DGKH: variants seen among roughly 807,000 people sequenced by gnomAD.
DGKH encodes the protein DAG kinase eta.
DGKH carries 90 observed loss-of-function variants against 159.3 expected under a neutral mutation model. The ratio of observed to expected loss-of-function variants is 0.57; its 90% CI spans 0.48 to 0.67. The LOEUF (loss-of-function observed/expected upper bound fraction) is 0.67, where lower values mean the gene tolerates loss of function less well. Ranked by LOEUF, DGKH falls within the 30% of genes least tolerant of loss-of-function variation. DGKH has a pLI of 0.00. For synonymous variants in DGKH, 536 were observed against 553.8 expected (o/e 0.97, Z 0.45); for missense variants, 1,181 against 1,506.1 (o/e 0.78, Z 3.57).
intron 1 of DGKH, among the ~76,000 whole-genome samples, chr13:42,043,211 A>C (rs754004554): frequency 6.6e-6 from 1 of 152,190 alleles, no homozygotes; most frequent in South Asian, 2.1e-4. Context: ...GTGTGTATAT[A>C]TATATGTAAA....
chr13:42,154,487 C>T (rs1955990652), intron 3 of DGKH, among the ~76,000 whole-genome samples: 1 of 152,112 alleles, frequency 6.6e-6, no homozygotes, highest in Non-Finnish European at 1.5e-5. Flanking sequence ...TTTCATTCCA[C>T]TTGCTTTAAG....
At chr13:42,074,087 A>G (rs539955280) in intron 1 of DGKH, among the ~76,000 whole-genome samples, 2 of 152,348 alleles carry the variant, frequency 1.3e-5, no homozygotes, top group Admixed American at 1.3e-4. Flanking sequence ...ATTATGATCA[A>G]ATAAGTGTTT....
intron 7 of DGKH, among the ~76,000 whole-genome samples, chr13:42,162,401 T>C (rs1207310859): frequency 2.6e-5 from 4 of 152,180 alleles, no homozygotes. Flanking sequence ...TAATCCCAGC[T>C]ACTTGGGATG....
At chr13:42,186,879 C>A (rs1956942452) in intron 13 of DGKH, among the ~76,000 whole-genome samples, 170 bp from the exon 14 acceptor site, 1 of 152,150 alleles carries the variant, frequency 6.6e-6, no homozygotes, top group African/African-American at 2.4e-5. Context: ...CTTAGAATGT[C>A]TTGGACTTAT....
chr13:42,103,332 G>A (rs578010527), intron 1 of DGKH, among the ~76,000 whole-genome samples: 1 of 152,164 alleles, frequency 6.6e-6, no homozygotes, highest in African/African-American at 2.4e-5. Flanking sequence ...GGGATAGGGA[G>A]TAGTATAATA....
intron 11 of DGKH, among the ~76,000 whole-genome samples, chr13:42,169,860 T>G (rs138210466): frequency 6.6e-6 from 1 of 152,216 alleles, no homozygotes; most frequent in Non-Finnish European, 1.5e-5. Flanking sequence ...TATAATCTTA[T>G]GTGCTACTGG....
intron 4 of DGKH, 67 bp from the exon 5 acceptor site, chr13:42,155,600 C>T (rs765687085): frequency 1.2e-4 from 190 of 1,607,532 alleles, no homozygotes; most frequent in Non-Finnish European, 1.5e-4. Context: ...ATATGCATTC[C>T]AAACAGTTCA....
chr13:42,083,297 A>C (rs181614873), intron 1 of DGKH, among the ~76,000 whole-genome samples: 1 of 152,296 alleles, frequency 6.6e-6, no homozygotes, highest in Admixed American at 6.5e-5. Context: ...AAATGATGAG[A>C]AATCCAGAGG....
chr13:42,216,897 A>G (rs1957812409), intron 26 of DGKH, among the ~76,000 whole-genome samples: 1 of 152,186 alleles, frequency 6.6e-6, no homozygotes, highest in South Asian at 2.1e-4. Flanking sequence ...CATTTCTTAC[A>G]ACTAAAAGCA....
chr13:42,146,799 C>T (rs1434315151), intron 3 of DGKH, among the ~76,000 whole-genome samples: 2 of 152,126 alleles, frequency 1.3e-5, no homozygotes, highest in African/African-American at 2.4e-5. Flanking sequence ...TAAATAGTTG[C>T]CTTCAGTAAA....
At chr13:42,064,700 C>G (rs1336411309) in intron 1 of DGKH, among the ~76,000 whole-genome samples, 1 of 152,076 alleles carries the variant, frequency 6.6e-6, no homozygotes, top group Non-Finnish European at 1.5e-5. Flanking sequence ...CTAAAAGAAA[C>G]TGTATAATTT....
Position 42,048,908 on chromosome 13 carries a change from A to T in DGKH, c.135A>T (p.Gln45His), listed in dbSNP as rs779921510. The T allele has an allele frequency of 1.5e-6, 2 of 1,357,656 alleles. No individual in the cohort carries two copies. Among genetic ancestry groups the T allele is most frequent in the African/African-American group, 1.5e-5 (1 of 66,318 alleles). 84.1% of individuals were successfully genotyped at this position (1,357,656 alleles called of 1,614,324 possible). A position where few individuals can be genotyped will look rare whatever the true frequency, so the allele number is the denominator to read the frequency against. The change falls in exon 1 of 30, where the codon CAA becomes CAT. Residue 45 changes from glutamine (Q) to histidine (H), a missense_variant. Physicochemically the swap from Gln to His is conservative, Grantham distance 24. Transcript: ENST00000337343. The surrounding 1 kb of genome is among the most constrained non-coding windows in gnomAD (Gnocchi z 6.7). Reference sequence around the variant, plus strand: ...ATTCGTCTGACAGCGAAGCGGAGCAAGAGGGACCCCAGAAACTGATCCGCA... The same window carrying T: ...ATTCGTCTGACAGCGAAGCGGAGCATGAGGGACCCCAGAAACTGATCCGCA... ...GEDSSDSEAE[Q>H]EGPQKLIRKV...
intron 3 of DGKH, among the ~76,000 whole-genome samples, chr13:42,131,780 G>A (rs1358294825): frequency 1.3e-5 from 2 of 152,170 alleles, no homozygotes; most frequent in Non-Finnish European, 2.9e-5. Context: ...AAAGAGAAAG[G>A]GAGAGATTGC....
At chr13:42,176,690 A>G (rs1436433771) in intron 12 of DGKH, among the ~76,000 whole-genome samples, 1 of 152,234 alleles carries the variant, frequency 6.6e-6, no homozygotes, top group Non-Finnish European at 1.5e-5. Context: ...GAATCTTCAA[A>G]TAAGTCTGAA....
chr13:42,191,907 T>C (rs1245621432), intron 16 of DGKH, among the ~76,000 whole-genome samples: 1 of 152,216 alleles, frequency 6.6e-6, no homozygotes, highest in Non-Finnish European at 1.5e-5. Flanking sequence ...AAATTTTTGC[T>C]TTTACTTTCA....
At chr13:42,072,148 C>G (rs1410104436) in intron 1 of DGKH, among the ~76,000 whole-genome samples, 1 of 152,150 alleles carries the variant, frequency 6.6e-6, no homozygotes, top group Non-Finnish European at 1.5e-5. Flanking sequence ...TATATTTGAA[C>G]AGTTAGTAAG....
chr13:42,253,686 C>A (rs934574403), intron 30 of DGKH, among the ~76,000 whole-genome samples: 2 of 152,244 alleles, frequency 1.3e-5, no homozygotes, highest in East Asian at 1.9e-4. Flanking sequence ...TTGAATTTAG[C>A]CATTGTGGTA....
intron 20 of DGKH, among the ~76,000 whole-genome samples, chr13:42,201,144 CA>C (rs1432651233): frequency 6.6e-6 from 1 of 152,050 alleles, no homozygotes; most frequent in Non-Finnish European, 1.5e-5. Flanking sequence ...AGGTGCACGC[CA>C]CCACGCCCAG....
At chr13:42,120,859 A>G (rs1053693377) in intron 1 of DGKH, among the ~76,000 whole-genome samples, 1 of 152,146 alleles carries the variant, frequency 6.6e-6, no homozygotes, top group Non-Finnish European at 1.5e-5. Flanking sequence ...CTGGAGAGAT[A>G]GTATTCACAA....
Sources: gnomAD v4.1 joint callset for allele counts (sites outside exome capture counted in the v4.1 genomes callset) on GRCh38, gnomAD v4.1.1 for gene constraint, Gnocchi (gnomAD v3.1) non-coding constraint, MANE v1.5 for transcripts, NCBI Gene and HGNC (gene_info 2026-07-23, HGNC 2026-07-21) for gene names.